Variants in ABL1 observed in about 807,000 individuals in gnomAD.
ABL1 encodes tyrosine-protein kinase ABL1.
Under a neutral mutation model 94.7 loss-of-function variants are expected in ABL1, and 11 were observed. The ratio of observed to expected loss-of-function variants is 0.12; its 90% CI spans 0.07 to 0.19. The LOEUF is 0.19. ABL1 is among the 10% of genes least tolerant of loss of function. The pLI, the probability that ABL1 is intolerant of heterozygous loss-of-function variation, is 1.00. For missense variants in ABL1, 1,082 were observed against 1,489.4 expected (o/e 0.73, Z 4.50); for synonymous variants, 656 against 622.4 (o/e 1.05, Z -0.80).
intron 1 of ABL1, among the ~76,000 whole-genome samples, chr9:130,853,202 G>A (rs1297343426): frequency 8.3e-6 from 1 of 120,474 alleles, no homozygotes; most frequent in African/African-American, 3.2e-5. Flanking sequence ...TTGAGATGGA[G>A]TCTCACTCTG....
chr9:130,717,737 G>A (rs1831461938), intron 1 of ABL1, among the ~76,000 whole-genome samples: 1 of 151,932 alleles, frequency 6.6e-6, no homozygotes, highest in Non-Finnish European at 1.5e-5. Context: ...GGCTAGGCCG[G>A]GCACAGTGGC....
Position 130,835,514 on chromosome 9 carries a change from G to A in ABL1, c.68G>A (p.Cys23Tyr). Reference sequence around the variant, plus strand: ...AAGGGGCTGTCCTCGTCCTCCAGCTGTTATCTGGAAGGTAAGCCCGGGCCG... The same window carrying A: ...AAGGGGCTGTCCTCGTCCTCCAGCTATTATCTGGAAGGTAAGCCCGGGCCG... ...SKKGLSSSSS[C>Y]YLEEALQRPV... The change falls in exon 1 of 11, where the codon TGT becomes TAT. Residue 23 changes from cysteine to tyrosine, a missense_variant. Physicochemically the swap from Cys to Tyr is radical, Grantham distance 194. Around this residue, in one of 7 missense-constraint regions of ABL1, gnomAD observed 65 missense variants for 80.8 expected, o/e 0.80. Coordinates refer to ENST00000318560, the MANE Select transcript of ABL1 (RefSeq NM_005157.6). The surrounding 1 kb of genome is among the most constrained non-coding windows in gnomAD (Gnocchi z 4.6). The A allele has an allele frequency of 6.4e-7, 1 of 1,558,106 alleles. No homozygotes were observed. Among genetic ancestry groups the A allele is most frequent in the Middle Eastern group, 1.8e-4 (1 of 5,550 alleles).
chr9:130,808,247 CT>C (rs1177878253), intron 1 of ABL1, among the ~76,000 whole-genome samples: 110 of 95,028 alleles, frequency 1.2e-3, no homozygotes, highest in Non-Finnish European at 9.4e-4. Context: ...TCTTCTTCTT[CT>C]TTTTTTTTTT....
At chr9:130,823,246 G>T (rs552022142) in intron 1 of ABL1, among the ~76,000 whole-genome samples, 16 of 152,142 alleles carry the variant, frequency 1.1e-4, no homozygotes, top group African/African-American at 3.6e-4. Context: ...ACACTGGGCT[G>T]CATGTTTCAC....
intron 10 of ABL1, 101 bp from the exon 11 acceptor site, chr9:130,883,868 T>A: frequency 1.4e-6 from 2 of 1,384,888 alleles, no homozygotes; most frequent in Non-Finnish European, 2.0e-6. Context: ...TCTCCTGGGC[T>A]GGAGTGCAGC....
At chr9:130,736,715 T>C (rs543116222) in intron 1 of ABL1, among the ~76,000 whole-genome samples, 81 of 152,312 alleles carry the variant, frequency 5.3e-4, no homozygotes, top group African/African-American at 1.9e-3. Context: ...GGTCTCAAAC[T>C]TCCGATCTCA....
chr9:130,781,458 C>CAAAGA (rs1829755278), intron 1 of ABL1, among the ~76,000 whole-genome samples: 1 of 152,192 alleles, frequency 6.6e-6, no homozygotes, highest in Admixed American at 6.5e-5. Context: ...GACCCTCAGT[C>CAAAGA]ATGTTGACAT....
At chr9:130,870,509 C>T (rs897687220) in intron 4 of ABL1, among the ~76,000 whole-genome samples, 3 of 152,212 alleles carry the variant, frequency 2.0e-5, no homozygotes, top group East Asian at 1.9e-4. Flanking sequence ...CAGTCCTATA[C>T]GTGAGCAGCA....
intron 1 of ABL1, among the ~76,000 whole-genome samples, chr9:130,793,811 A>AT (rs1288068744): frequency 5.3e-5 from 8 of 152,174 alleles, no homozygotes; most frequent in African/African-American, 1.7e-4. Context: ...GCCGCTCCCC[A>AT]TAGTACTCAT....
intron 1 of ABL1, among the ~76,000 whole-genome samples, chr9:130,721,822 G>GTTTTT (rs746954089): frequency 2.5e-5 from 3 of 120,880 alleles, no homozygotes; most frequent in Admixed American, 8.9e-5. Context: ...GTTTTTTTTT[G>GTTTTT]TTTTTTTTTT....
chr9:130,769,691 G>T (rs1334122166), intron 1 of ABL1, among the ~76,000 whole-genome samples: 1 of 151,922 alleles, frequency 6.6e-6, no homozygotes, highest in Non-Finnish European at 1.5e-5. Flanking sequence ...GTTTATTGAG[G>T]TATAATTTAC....
At chr9:130,867,893 G>A (rs1470534251) in intron 4 of ABL1, among the ~76,000 whole-genome samples, 1 of 152,048 alleles carries the variant, frequency 6.6e-6, no homozygotes, top group Non-Finnish European at 1.5e-5. Context: ...TCCCACCTCT[G>A]GAGTGTGAAT....
intron 1 of ABL1, among the ~76,000 whole-genome samples, chr9:130,818,895 A>T (rs953386643): frequency 2.0e-5 from 3 of 152,196 alleles, no homozygotes; most frequent in Admixed American, 6.5e-5. Flanking sequence ...CTCCCCCAAG[A>T]ACGCTTTCCT....
At chr9:130,828,453 G>A (rs1342535288) in intron 1 of ABL1, among the ~76,000 whole-genome samples, 3 of 152,106 alleles carry the variant, frequency 2.0e-5, no homozygotes, top group Non-Finnish European at 4.4e-5. Context: ...GAATGTATTG[G>A]GTTGGTACAA....
intron 1 of ABL1, among the ~76,000 whole-genome samples, chr9:130,802,200 C>A (rs1391285511): frequency 1.3e-5 from 2 of 150,284 alleles, no homozygotes; most frequent in African/African-American, 2.5e-5. Flanking sequence ...TTAAGCCATC[C>A]TCCTGCCTCA....
intron 1 of ABL1, among the ~76,000 whole-genome samples, chr9:130,767,777 A>T (rs1355340884): frequency 1.3e-5 from 2 of 152,266 alleles, no homozygotes; most frequent in Non-Finnish European, 2.9e-5. Context: ...ACTCACACAC[A>T]CGTACACACA....
chr9:130,868,054 G>T (rs1346286898), intron 4 of ABL1, among the ~76,000 whole-genome samples: 1 of 151,934 alleles, frequency 6.6e-6, no homozygotes, highest in Non-Finnish European at 1.5e-5. Context: ...CCACCTCCCG[G>T]GTTCAAGCAA....
chr9:130,829,310 C>T (rs1243568500), intron 1 of ABL1, among the ~76,000 whole-genome samples: 1 of 152,126 alleles, frequency 6.6e-6, no homozygotes. Flanking sequence ...CCTGTAATCG[C>T]AGCACTTTGG....
In ABL1 at chr9:130,763,499, A is replaced by G. The variant is rs1285525243; in HGVS notation, c.136+49044A>G. On this transcript the variant is annotated intron_variant, in intron 1 of 10. Coordinates refer to the ABL1 transcript ENST00000372348. ...AGAAGTGGGTTAGCTGAGTGGTTCTAGCTTGTGGTCTCTCATGAGATTGTA... is the reference window on the plus strand; with the variant it reads ...AGAAGTGGGTTAGCTGAGTGGTTCTGGCTTGTGGTCTCTCATGAGATTGTA... 5.3e-5 allele frequency among the ~76,000 whole-genome samples: 8 copies of G among 152,154 alleles called. No homozygotes were observed. The East Asian group carries it at 1.5e-3, about 29-fold the overall frequency.
Sources: gnomAD v4.1 joint callset for allele counts (sites outside exome capture counted in the v4.1 genomes callset) on GRCh38, gnomAD v4.1.1 for gene constraint, gnomAD v4.1.1 regional missense constraint, Gnocchi (gnomAD v3.1) non-coding constraint, MANE v1.5 for transcripts, NCBI Gene and HGNC (gene_info 2026-07-23, HGNC 2026-07-21) for gene names.